DSC2: variants seen among roughly 807,000 people sequenced by gnomAD.
DSC2 encodes desmocollin-2.
A neutral mutation model predicts 87.6 loss-of-function variants in DSC2; 51 were observed. The ratio of observed to expected loss-of-function variants is 0.58; its 90% CI spans 0.46 to 0.74. The LOEUF is 0.74. DSC2 is among the 30% of genes least tolerant of loss of function. The pLI, the probability that DSC2 is intolerant of heterozygous loss-of-function variation, is 0.00. For synonymous variants in DSC2, 383 were observed against 393.2 expected, an observed-to-expected ratio of 0.97 and a Z score of 0.31; for missense variants, 1,066 against 1,089.5, an observed-to-expected ratio of 0.98 and a Z score of 0.30.
At chr18:31,069,608 G>C (rs762317880) in intron 14 of DSC2, among the ~76,000 whole-genome samples, 1 of 151,692 alleles carries the variant, frequency 6.6e-6, no homozygotes, top group Non-Finnish European at 1.5e-5. Context: ...CCAGCTACTC[G>C]GGAGGCTAAG....
At chr18:31,100,807 G>C (rs1483159237) in intron 1 of DSC2, among the ~76,000 whole-genome samples, 1 of 152,142 alleles carries the variant, frequency 6.6e-6, no homozygotes, top group Non-Finnish European at 1.5e-5. Flanking sequence ...TTAAGACAAG[G>C]AGCACTTTTC....
chr18:31,077,878 G>A (rs1412944548), intron 11 of DSC2, among the ~76,000 whole-genome samples: 1 of 152,158 alleles, frequency 6.6e-6, no homozygotes. Context: ...ACTAGATAGA[G>A]GTGATTTCTG....
At position 31,066,009 on chromosome 18, in the gene DSC2, C is replaced by T. The variant is rs138578523; in HGVS notation, c.*2006G>A. 7.5e-4 allele frequency: 114 copies of T among 152,144 alleles called. 2 individuals are homozygous for T. Among genetic ancestry groups the T allele is most frequent in the African/African-American group, 2.6e-3 (109 of 41,526 alleles). 9.4% of individuals were successfully genotyped at this position (152,144 alleles called of 1,614,324 possible). ...AATCATTTATTATTATCAGGAGTGCCTTTTAGGTGGACCGCTCTGTATGAC... is the reference window on the plus strand; with the variant it reads ...AATCATTTATTATTATCAGGAGTGCTTTTTAGGTGGACCGCTCTGTATGAC... On this transcript the variant is annotated 3_prime_UTR_variant, in exon 16 of 16. Coordinates refer to ENST00000280904, the MANE Select transcript of DSC2 (RefSeq NM_024422.6).
At chr18:31,091,991 G>T in intron 3 of DSC2, 110 bp downstream of exon 3, 1 of 1,164,960 alleles carries the variant, frequency 8.6e-7, no homozygotes, top group Non-Finnish European at 1.2e-6. Flanking sequence ...GTTTTCATTC[G>T]TCTTTAAGCC....
rs1049734434 is a variant in DSC2 at position 31,062,782 on chromosome 18, C to T, written c.*5233G>A. On this transcript the variant is annotated 3_prime_UTR_variant, in exon 16 of 16. Coordinates refer to ENST00000280904, the MANE Select transcript of DSC2 (RefSeq NM_024422.6). The stretch of plus-strand genomic sequence containing the variant: ...TTCAGACACTACCCCTTCTGTCTGC[C>T]CCTCTCACTATCCCAAGGGAGAAGG... The T allele has an allele frequency of 1.3e-5, 2 of 152,086 alleles. No individual in the cohort carries two copies. The highest frequency in any genetic ancestry group is 2.9e-5 in the Non-Finnish European group (2 of 68,036). The allele number at this position is 152,086 out of a possible 1,614,324, so 9.4% of individuals were successfully genotyped here.
In DSC2 at chr18:31,062,567, A is replaced by G. The variant is rs998143781; in HGVS notation, c.*5448T>C. 8 of 152,214 alleles carry G rather than the reference A, an allele frequency of 5.3e-5. No homozygotes were observed. The highest frequency in any genetic ancestry group is 1.9e-4 in the African/African-American group (8 of 41,448). The allele number at this position is 152,214 out of a possible 1,614,324, so 9.4% of individuals were successfully genotyped here. A position where few individuals can be genotyped will look rare whatever the true frequency, so the allele number is the denominator to read the frequency against. On this transcript the variant is annotated 3_prime_UTR_variant, in exon 16 of 16. Transcript: ENST00000280904. The stretch of plus-strand genomic sequence containing the variant: ...ACCTAACACACATGTGCATTTATTC[A>G]TTCATCCATTTATTCATCACACACC...
At chr18:31,089,344 C>T in intron 5 of DSC2, 95 bp downstream of exon 5, 1 of 1,462,602 alleles carries the variant, frequency 6.8e-7, no homozygotes, top group Non-Finnish European at 9.5e-7. Flanking sequence ...TGGTGACAAA[C>T]TCAGAAAGCA....
intron 11 of DSC2, among the ~76,000 whole-genome samples, chr18:31,076,469 C>A (rs1987020356): frequency 6.6e-6 from 1 of 152,042 alleles, no homozygotes; most frequent in Non-Finnish European, 1.5e-5. Context: ...GAAGGAAAAC[C>A]AACAAAAGCA....
intron 13 of DSC2, among the ~76,000 whole-genome samples, 185 bp from the exon 14 acceptor site, chr18:31,071,035 G>T (rs912730896): frequency 6.6e-6 from 1 of 151,930 alleles, no homozygotes; most frequent in Non-Finnish European, 1.5e-5. Context: ...CTATTTAAAA[G>T]TTTAAATAGC....
At chr18:31,099,784 G>A (rs756136378) in intron 1 of DSC2, among the ~76,000 whole-genome samples, 1 of 152,132 alleles carries the variant, frequency 6.6e-6, no homozygotes, top group Non-Finnish European at 1.5e-5. Context: ...AAGAAGTGAG[G>A]AAAAGCTGAT....
At position 31,067,263 on chromosome 18, in the gene DSC2, A is replaced by C. The variant is rs1411463219; in HGVS notation, c.*752T>G. 2 of 151,736 alleles carry C rather than the reference A, an allele frequency of 1.3e-5. No homozygotes were observed. The highest frequency in any genetic ancestry group is 2.9e-5 in the Non-Finnish European group (2 of 67,842). 9.4% of individuals were successfully genotyped at this position (151,736 alleles called of 1,614,324 possible). On this transcript the variant is annotated 3_prime_UTR_variant, in exon 16 of 16. Coordinates refer to ENST00000280904, the MANE Select transcript of DSC2 (RefSeq NM_024422.6). ...CCATATGGAAATTAAAAAAAAAAAAAAAACTGGAGAGAGAAACAGAAAGAG... is the reference window on the plus strand; with the variant it reads ...CCATATGGAAATTAAAAAAAAAAAACAAACTGGAGAGAGAAACAGAAAGAG...
At chr18:31,070,929 T>C in intron 13 of DSC2, 79 bp from the exon 14 acceptor site, 1 of 1,508,226 alleles carries the variant, frequency 6.6e-7, no homozygotes, top group Non-Finnish European at 9.1e-7. Flanking sequence ...AATACACACA[T>C]AAATCATAAA....
chr18:31,096,527 C>A (rs994972180), intron 1 of DSC2, among the ~76,000 whole-genome samples: 1 of 152,064 alleles, frequency 6.6e-6, no homozygotes, highest in Non-Finnish European at 1.5e-5. Flanking sequence ...CTGGCCCTGG[C>A]GTGGATCTGT....
chr18:31,070,947 G>A, intron 13 of DSC2, 97 bp from the exon 14 acceptor site: 2 of 1,439,240 alleles, frequency 1.4e-6, no homozygotes, highest in Non-Finnish European at 1.9e-6. Context: ...AAACTTAAAA[G>A]TGTATATTAA....
In DSC2 at chr18:31,064,909, G is replaced by T. The variant is rs954920938; in HGVS notation, c.*3106C>A. The T allele has an allele frequency of 1.3e-5, 2 of 152,142 alleles. No individual in the cohort carries two copies. The highest frequency in any genetic ancestry group is 2.4e-5 in the African/African-American group (1 of 41,416). 9.4% of individuals were successfully genotyped at this position (152,142 alleles called of 1,614,324 possible). ...AGTCAGATTTGGCAAAACAGAATTGGGATCCAAGATAAAAACAGTCTTAAG... is the reference window on the plus strand; with the variant it reads ...AGTCAGATTTGGCAAAACAGAATTGTGATCCAAGATAAAAACAGTCTTAAG... On this transcript the variant is annotated 3_prime_UTR_variant, in exon 16 of 16. Coordinates refer to ENST00000280904, the MANE Select transcript of DSC2 (RefSeq NM_024422.6).
chr18:31,085,641 T>G (rs1231988468), intron 7 of DSC2, among the ~76,000 whole-genome samples: 2 of 151,908 alleles, frequency 1.3e-5, no homozygotes, highest in African/African-American at 2.4e-5. Context: ...GCATTGGTCT[T>G]GAGACCAAAG....
rs2144800482 is a variant in DSC2, at chr18:31,074,890, C to G, written c.1681G>C (p.Gly561Arg). The stretch of plus-strand genomic sequence containing the variant: ...TCTTGAAGTATAATGCCCAGTGTCC[C>G]CGTACATGTTCTCCCTCCTAGAAAA... ...ASDQGGRTCTGTLGIILQDVN... is the reference protein window; with the variant it reads ...ASDQGGRTCTRTLGIILQDVN... The change falls in exon 12 of 16, where the codon GGG (glycine) becomes CGG (arginine). Residue 561 changes from glycine (G) to arginine (R), a missense_variant. Physicochemically the swap from Gly to Arg is moderately radical, Grantham distance 125. Transcript: ENST00000280904. 1 of 1,613,572 alleles carries G rather than the reference C, an allele frequency of 6.2e-7. No individual in the cohort carries two copies. Among genetic ancestry groups the G allele is most frequent in the South Asian group, 1.1e-5 (1 of 91,034 alleles).
intron 13 of DSC2, among the ~76,000 whole-genome samples, 200 bp from the exon 14 acceptor site, chr18:31,071,050 C>T (rs1181167009): frequency 6.6e-6 from 1 of 151,922 alleles, no homozygotes; most frequent in Non-Finnish European, 1.5e-5. Context: ...AATAGCATAT[C>T]TACTTAAACT....
rs1272462498 is a variant in DSC2 at position 31,063,704 on chromosome 18, C to A, written c.*4311G>T. 6.6e-6 allele frequency: 1 copy of A among 152,102 alleles called. No homozygotes were observed. The highest frequency in any genetic ancestry group is 1.5e-5 in the Non-Finnish European group (1 of 68,022). 9.4% of individuals were successfully genotyped at this position (152,102 alleles called of 1,614,324 possible). A position where few individuals can be genotyped will look rare whatever the true frequency, so the allele number is the denominator to read the frequency against. The stretch of plus-strand genomic sequence containing the variant: ...TTTATGATGGTGTCAAAGAAATATG[C>A]ATTCAGCATTCTCCTACACTTATGA... On this transcript the variant is annotated 3_prime_UTR_variant, in exon 16 of 16. Transcript: ENST00000280904.
Sources: gnomAD v4.1 joint callset for allele counts (sites outside exome capture counted in the v4.1 genomes callset) on GRCh38, gnomAD v4.1.1 for gene constraint, MANE v1.5 for transcripts, NCBI Gene and HGNC (gene_info 2026-07-23, HGNC 2026-07-21) for gene names.